WDPCP: variants seen among roughly 807,000 people sequenced by gnomAD.
WDPCP encodes the protein WD repeat-containing and planar cell polarity effector protein fritz homolog.
A neutral mutation model predicts 93.1 loss-of-function variants in WDPCP; 71 were observed. The ratio of observed to expected loss-of-function variants is 0.76; its 90% CI spans 0.63 to 0.93. The LOEUF is 0.93. Among genes scored for constraint, WDPCP ranks in the 40% least tolerant of loss-of-function variants. WDPCP has a pLI of 0.00. For synonymous variants in WDPCP, 315 were observed against 315.0 expected (o/e 1.00, Z 0.00); for missense variants, 844 against 887.4 (o/e 0.95, Z 0.62).
At chr2:63,717,828 C>T (rs939790226) in intron 2 of WDPCP, 9 of 235,620 alleles carry the variant, frequency 3.8e-5, no homozygotes, top group East Asian at 1.4e-4. Context: ...CATTTGAAGG[C>T]GAGCCCGAGG....
At chr2:63,293,059 G>T (rs144033867) in intron 13 of WDPCP, among the ~76,000 whole-genome samples, 135 of 152,230 alleles carry the variant, frequency 8.9e-4, no homozygotes, top group African/African-American at 3.1e-3. Context: ...TGCAGACAGG[G>T]AGGCAGGGCA....
chr2:63,699,471 G>C (rs888782596), intron 2 of WDPCP, among the ~76,000 whole-genome samples: 1 of 152,198 alleles, frequency 6.6e-6, no homozygotes. Context: ...GGAACTGAGA[G>C]GATTCAGAGG....
intron 14 of WDPCP, among the ~76,000 whole-genome samples, chr2:63,195,672 C>A (rs1001211322): frequency 1.3e-5 from 2 of 151,728 alleles, no homozygotes; most frequent in African/African-American, 4.8e-5. Context: ...AGGTTTGTGA[C>A]AATTTGAAAA....
chr2:63,323,072 G>A (rs189489468), intron 12 of WDPCP, among the ~76,000 whole-genome samples: 179 of 152,312 alleles, frequency 1.2e-3, no homozygotes, highest in Non-Finnish European at 1.4e-3. Context: ...GCCCAGGGTC[G>A]ACAGAGAGGA....
intron 6 of WDPCP, among the ~76,000 whole-genome samples, chr2:63,453,562 A>G (rs1698411624): frequency 6.6e-6 from 1 of 152,204 alleles, no homozygotes; most frequent in South Asian, 2.1e-4. Context: ...TAGAACTAGA[A>G]ATACCATTTG....
At chr2:63,270,891 A>G (rs918866326) in intron 13 of WDPCP, among the ~76,000 whole-genome samples, 12 of 152,132 alleles carry the variant, frequency 7.9e-5, no homozygotes, top group African/African-American at 2.7e-4. Flanking sequence ...ACATCCCCCA[A>G]GACTCAAGCA....
chr2:63,793,101 A>C (rs1262759331), intron 2 of WDPCP, among the ~76,000 whole-genome samples: 1 of 152,110 alleles, frequency 6.6e-6, no homozygotes. Flanking sequence ...AAAGTCTTTC[A>C]GTTTGAGCTT....
chr2:63,792,432 C>G (rs547541268), intron 2 of WDPCP, among the ~76,000 whole-genome samples: 1 of 152,276 alleles, frequency 6.6e-6, no homozygotes, highest in African/African-American at 2.4e-5. Context: ...AGGTCGCTCC[C>G]TCGACACATG....
chr2:63,351,198 T>C (rs1689585864), intron 12 of WDPCP, among the ~76,000 whole-genome samples: 1 of 152,078 alleles, frequency 6.6e-6, no homozygotes, highest in East Asian at 1.9e-4. Context: ...GTCAGGCTGG[T>C]CTTGAACTCC....
In WDPCP at chr2:63,378,294, C is replaced by T. The variant is rs192429805; in HGVS notation, c.1748+92G>A. On this transcript the variant is annotated intron_variant, in intron 12 of 17. Transcript: ENST00000272321. ...TGAGGAGATGGACTGTTAGGAAACA[C>T]ATAGCCTTACTATGGAATATTTTAA... The T allele has an allele frequency of 7.3e-4, 1,138 of 1,551,334 alleles. 3 individuals carry two copies. The highest frequency in any genetic ancestry group is 2.4e-3 in the Middle Eastern group (11 of 4,524).
At chr2:63,327,081 C>G (rs1687613961) in intron 12 of WDPCP, among the ~76,000 whole-genome samples, 2 of 151,754 alleles carry the variant, frequency 1.3e-5, no homozygotes, top group African/African-American at 2.4e-5. Context: ...AAGTTCTGAC[C>G]AAATCTGGGC....
intron 1 of WDPCP, among the ~76,000 whole-genome samples, chr2:63,572,726 A>AAAAAAAAAATG (rs56275317): frequency 6.9e-6 from 1 of 144,764 alleles, no homozygotes; most frequent in African/African-American, 2.5e-5. Flanking sequence ...AAAAAAAAAA[A>AAAAAAAAAATG]GTTGGACAGC....
chr2:63,725,190 A>C (rs1669480120), intron 2 of WDPCP, among the ~76,000 whole-genome samples: 2 of 152,182 alleles, frequency 1.3e-5, no homozygotes, highest in Non-Finnish European at 2.9e-5. Context: ...TTTGATGTTC[A>C]GCCTCCTCCC....
chr2:63,561,368 C>T (rs973222208), intron 1 of WDPCP, among the ~76,000 whole-genome samples: 2 of 152,022 alleles, frequency 1.3e-5, no homozygotes, highest in African/African-American at 4.8e-5. Context: ...GTCCCAGCTG[C>T]TCGGGAGGCT....
intron 2 of WDPCP, among the ~76,000 whole-genome samples, chr2:63,743,671 G>A (rs564226898): frequency 6.6e-6 from 1 of 152,252 alleles, no homozygotes; most frequent in East Asian, 1.9e-4. Flanking sequence ...CATGTGCACA[G>A]TTGAGCAACT....
At chr2:63,766,474 C>T (rs568118649) in intron 2 of WDPCP, among the ~76,000 whole-genome samples, 5 of 151,360 alleles carry the variant, frequency 3.3e-5, no homozygotes, top group Non-Finnish European at 5.9e-5. Context: ...GGACTATAGG[C>T]GTGTACTACC....
chr2:63,440,084 G>C (rs1697405929), intron 6 of WDPCP: 2 of 509,184 alleles, frequency 3.9e-6, no homozygotes, highest in South Asian at 2.7e-5. Context: ...TAAATGCATT[G>C]ATTAAAGCTA....
At chr2:63,607,839 AAAAG>A (rs1485666679) in intron 3 of WDPCP, among the ~76,000 whole-genome samples, 11 of 152,128 alleles carry the variant, frequency 7.2e-5, no homozygotes, top group Admixed American at 3.3e-4. Flanking sequence ...AAAAAAAAAA[AAAAG>A]AAGAAAAGAA....
intron 10 of WDPCP, among the ~76,000 whole-genome samples, chr2:63,397,674 C>G (rs77622751): frequency 6.6e-6 from 1 of 152,062 alleles, no homozygotes; most frequent in Non-Finnish European, 1.5e-5. Flanking sequence ...GGTCAGCAAC[C>G]ATCAAATGCT....
Sources: gnomAD v4.1 joint callset for allele counts (sites outside exome capture counted in the v4.1 genomes callset) on GRCh38, gnomAD v4.1.1 for gene constraint, MANE v1.5 for transcripts, NCBI Gene and HGNC (gene_info 2026-07-23, HGNC 2026-07-21) for gene names.